LRP2: variants seen among roughly 807,000 people sequenced by gnomAD.
LRP2 encodes the protein LDL receptor related protein 2, also known as low-density lipoprotein receptor-related protein 2.
In LRP2, 172 loss-of-function variants were observed where a neutral mutation model predicts 531.0. That is an observed-to-expected ratio of 0.32 (90% CI 0.29 to 0.37). The LOEUF (loss-of-function observed/expected upper bound fraction) is 0.37, where lower values mean the gene tolerates loss of function less well. LRP2 is among the 10% of genes least tolerant of loss of function. The pLI is 1.00. For missense variants in LRP2, 5,167 were observed against 5,868.3 expected, an observed-to-expected ratio of 0.88 and a Z score of 3.90; for synonymous variants, 1,992 against 2,027.6, an observed-to-expected ratio of 0.98 and a Z score of 0.47.
At chr2:169,278,153 G>A (rs748648122) in intron 12 of LRP2, among the ~76,000 whole-genome samples, 15 of 151,482 alleles carry the variant, frequency 9.9e-5, no homozygotes, top group Non-Finnish European at 1.6e-4. Context: ...GTTCCAAATA[G>A]CAACTATTAT....
At chr2:169,231,889 A>G (rs780148450) in intron 30 of LRP2, 47 bp from the exon 31 acceptor site, 2 of 1,605,984 alleles carry the variant, frequency 1.2e-6, no homozygotes, top group East Asian at 2.2e-5. Context: ...AAACCTCCAC[A>G]TTAAAATCAA....
At chr2:169,287,411 A>G (rs988475029) in intron 9 of LRP2, among the ~76,000 whole-genome samples, 11 of 152,202 alleles carry the variant, frequency 7.2e-5, no homozygotes, top group East Asian at 1.9e-4. Context: ...TGGTCCTGAT[A>G]TTAAGAACCT....
intron 19 of LRP2, among the ~76,000 whole-genome samples, chr2:169,255,141 G>T (rs1270661328): frequency 6.6e-6 from 1 of 152,028 alleles, no homozygotes; most frequent in East Asian, 1.9e-4. Context: ...TTCAACCAGG[G>T]ACACAACTAG....
chr2:169,286,136 G>C (rs541437149), intron 9 of LRP2, among the ~76,000 whole-genome samples: 1 of 152,286 alleles, frequency 6.6e-6, no homozygotes, highest in East Asian at 1.9e-4. Flanking sequence ...AGTCTTCTTT[G>C]AAACAAATGT....
At chr2:169,272,728 A>G (rs1683450786) in intron 15 of LRP2, among the ~76,000 whole-genome samples, 199 bp downstream of exon 15, 1 of 152,186 alleles carries the variant, frequency 6.6e-6, no homozygotes, top group African/African-American at 2.4e-5. Context: ...AGAAATTTAC[A>G]TTTTCAAACA....
intron 4 of LRP2, among the ~76,000 whole-genome samples, chr2:169,299,115 G>A (rs866716652): frequency 3.5e-4 from 26 of 74,322 alleles, no homozygotes; most frequent in African/African-American, 1.4e-3. Flanking sequence ...AAGAAAGAAA[G>A]AAAGAAAGAA....
chr2:169,195,226 C>T (rs1368806695), intron 46 of LRP2, among the ~76,000 whole-genome samples: 1 of 152,056 alleles, frequency 6.6e-6, no homozygotes, highest in Non-Finnish European at 1.5e-5. Flanking sequence ...TGGCAGTGTA[C>T]AGGAATGAGG....
intron 38 of LRP2, among the ~76,000 whole-genome samples, chr2:169,208,864 G>C (rs1464747622): frequency 6.6e-6 from 1 of 152,082 alleles, no homozygotes; most frequent in African/African-American, 2.4e-5. Context: ...CACTAATTAT[G>C]AGTGGTATTT....
At chr2:169,192,501 T>C (rs1444275146) in intron 47 of LRP2, among the ~76,000 whole-genome samples, 1 of 152,190 alleles carries the variant, frequency 6.6e-6, no homozygotes. Context: ...GTCATAGAAC[T>C]AGGTGAAGAG....
intron 16 of LRP2, among the ~76,000 whole-genome samples, chr2:169,263,942 T>C (rs1003297868): frequency 1.3e-5 from 2 of 152,134 alleles, no homozygotes; most frequent in African/African-American, 4.8e-5. Context: ...TCATGTCCTT[T>C]GTAGGGACAT....
intron 62 of LRP2, among the ~76,000 whole-genome samples, chr2:169,165,214 T>C (rs1355235603): frequency 6.6e-6 from 1 of 152,174 alleles, no homozygotes; most frequent in Non-Finnish European, 1.5e-5. Flanking sequence ...TAATGTCTTT[T>C]TGGGGAAAAA....
At position 169,338,290 on chromosome 2, in the gene LRP2, A is replaced by AG. The variant is rs1161362938; in HGVS notation, c.80-17407_80-17406insC. Among the ~76,000 whole-genome samples, 1,075 of 117,518 alleles carry AG rather than the reference A, an allele frequency of 9.1e-3. 21 individuals are homozygous for AG. The highest frequency in any genetic ancestry group is 0.038 in the African/African-American group (1,016 of 27,088). 77.1% of individuals were successfully genotyped at this position (117,518 alleles called of 152,430 possible). A position where few individuals can be genotyped will look rare whatever the true frequency, so the allele number is the denominator to read the frequency against. The stretch of plus-strand genomic sequence containing the variant: ...GAAAGAAAGAGAAAGAAAGAAAGAA[A>AG]AAAGGAAGGAAGAAAGAAAGAAAGA... On this transcript the variant is annotated intron_variant, in intron 1 of 78. Coordinates refer to ENST00000649046, the MANE Select transcript of LRP2 (RefSeq NM_004525.3).
chr2:169,247,353 A>T (rs1441372891), intron 20 of LRP2, 25 bp downstream of exon 20: 1 of 1,613,414 alleles, frequency 6.2e-7, no homozygotes, highest in Non-Finnish European at 8.5e-7. Context: ...CAAAAAAATA[A>T]AAAAAACTGG....
At chr2:169,350,343 G>A (rs1685813698) in intron 1 of LRP2, among the ~76,000 whole-genome samples, 1 of 152,086 alleles carries the variant, frequency 6.6e-6, no homozygotes, top group African/African-American at 2.4e-5. Context: ...TGGATATGTG[G>A]GTCTAGACTA....
chr2:169,147,935 T>C (rs1194191788), intron 68 of LRP2, among the ~76,000 whole-genome samples: 1 of 120,596 alleles, frequency 8.3e-6, no homozygotes, highest in Non-Finnish European at 1.9e-5. Flanking sequence ...ATGTCAGCAC[T>C]ATGTTAAAAA....
chr2:169,166,125 C>A (rs768413227), intron 61 of LRP2, 71 bp from the exon 62 acceptor site: 1 of 1,514,394 alleles, frequency 6.6e-7, no homozygotes, highest in South Asian at 1.1e-5. Context: ...CTAAAATACT[C>A]CAGTGTCAGC....
rs1259322265 is a variant in LRP2 at position 169,290,932 on chromosome 2, A to C, written c.835T>G (p.Cys279Gly). The C allele has an allele frequency of 6.2e-7, 1 of 1,614,016 alleles. No homozygotes were observed. Among genetic ancestry groups the C allele is most frequent in the Non-Finnish European group, 8.5e-7 (1 of 1,180,026 alleles). ...REWSCPESGR[C>G]ISIYKVCDGI... ...TCACAAACTTTATAAATGGAGATGC[A>C]TCGTCCCGACTCTGGGCAAGACCAT... Residue 279 changes from cysteine (C) to glycine (G), a missense_variant, in exon 8 of 79, where the codon TGC becomes GGC. This residue lies in a region of LRP2 where 2,811 missense variants were observed against 3,058.0 expected (regional missense o/e 0.92). Transcript: ENST00000649046.
At chr2:169,264,485 A>G (rs1215599709) in intron 16 of LRP2, among the ~76,000 whole-genome samples, 3 of 152,028 alleles carry the variant, frequency 2.0e-5, no homozygotes, top group Admixed American at 6.6e-5. Context: ...TAAGTCCTCA[A>G]AAAAGATAAT....
intron 3 of LRP2, among the ~76,000 whole-genome samples, chr2:169,308,249 G>C (rs1368913943): frequency 4.0e-5 from 6 of 151,698 alleles, no homozygotes; most frequent in Non-Finnish European, 8.8e-5. Flanking sequence ...TTTACTTTAA[G>C]TTCTGGGGTA....
Sources: allele counts gnomAD v4.1 joint callset (sites outside exome capture counted in the v4.1 genomes callset), GRCh38; gene constraint gnomAD v4.1.1; regional missense constraint gnomAD v4.1.1; transcripts MANE v1.5; gene names NCBI Gene and HGNC (gene_info 2026-07-23, HGNC 2026-07-21).